The following BASP1 variants were observed in gnomAD, a reference collection of about 807,000 sequenced individuals.
BASP1 encodes brain abundant membrane attached signal protein 1.
In BASP1, 1 loss-of-function variant was observed where a neutral mutation model predicts 2.2. The ratio of observed to expected loss-of-function variants is 0.46; its 90% confidence interval spans 0.16 to 2.17. BASP1 has a LOEUF of 2.17. Among genes scored for constraint, BASP1 ranks in the 30% most tolerant of loss-of-function variants. BASP1 has a pLI of 0.27. For synonymous variants in BASP1, 187 were observed against 154.2 expected (o/e 1.21, Z -1.58); for missense variants, 352 against 327.2 (o/e 1.08, Z -0.58).
chr5:17,229,572 C>T (rs931744747), intron 1 of BASP1, among the ~76,000 whole-genome samples: 3 of 151,958 alleles, frequency 2.0e-5, no homozygotes, highest in Admixed American at 6.6e-5. Flanking sequence ...GTTCAGGGGA[C>T]GAAAGCCCAG....
rs1387062682 is a variant in BASP1, at chr5:17,260,092, CTG to C, written c.-9-15115_-9-15114del. Reference sequence around the variant, plus strand: ...AAAATCATATGTTAGGCTGCAATAACTGGGGCTTTTGAAAGGACCACCCGTTA... The same window carrying C: ...AAAATCATATGTTAGGCTGCAATAACGGGCTTTTGAAAGGACCACCCGTTA... On this transcript the variant is annotated intron_variant, in intron 1 of 1. Transcript: ENST00000322611. This position sits in a 1 kb window ranked among gnomAD's most constrained non-coding sequence, Gnocchi z 4.2. 2.0e-5 allele frequency among the ~76,000 whole-genome samples: 3 copies of C among 152,144 alleles called. No individual in the cohort carries two copies. The highest frequency in any genetic ancestry group is 4.4e-5 in the Non-Finnish European group (3 of 68,018).
Position 17,275,758 on chromosome 5 carries a change from C to G in BASP1, c.542C>G (p.Pro181Arg). 1.9e-6 allele frequency: 3 copies of G among 1,612,542 alleles called. No homozygotes were observed. The highest frequency in any genetic ancestry group is 1.7e-6 in the Non-Finnish European group (2 of 1,179,574). The change falls in exon 2 of 2, where the codon CCC becomes CGC. Residue 181 changes from proline (P) to arginine (R), a missense_variant. Pro to Arg is a moderately radical substitution (Grantham distance 103). Coordinates refer to ENST00000322611, the MANE Select transcript of BASP1 (RefSeq NM_006317.5). The surrounding 1 kb of genome is among the most constrained non-coding windows in gnomAD (Gnocchi z 5.3). ...DSKPGSSEAA[P>R]SSKETPAATE... ...AAACCCGGCAGCTCGGAGGCTGCCC[C>G]CTCTTCCAAGGAGACCCCCGCAGCC...
rs529738052 is a variant in BASP1 at position 17,242,327 on chromosome 5, CTTTA to C, written c.-10+24521_-10+24524del. On this transcript the variant is annotated intron_variant, in intron 1 of 1. Transcript: ENST00000322611. Reference sequence around the variant, plus strand: ...GGTTTTATTTCTCTTTTTTGTTCGACTTTATTTGTTAGATCAGTTTCATGTTCAC... The same window carrying C: ...GGTTTTATTTCTCTTTTTTGTTCGACTTTGTTAGATCAGTTTCATGTTCAC... Among the ~76,000 whole-genome samples the C allele has an allele frequency of 3.7e-3, 567 of 152,116 alleles. 1 individual carries two copies. Among genetic ancestry groups the C allele is most frequent in the Non-Finnish European group, 5.7e-3 (386 of 67,992 alleles).
At chr5:17,250,597 T>A (rs1162965635) in intron 1 of BASP1, among the ~76,000 whole-genome samples, 3 of 152,114 alleles carry the variant, frequency 2.0e-5, no homozygotes, top group African/African-American at 7.2e-5. Flanking sequence ...AGTTTATTTT[T>A]ATTTTTATTT....
intron 1 of BASP1, among the ~76,000 whole-genome samples, chr5:17,238,937 T>G (rs1164364819): frequency 6.6e-6 from 1 of 152,206 alleles, no homozygotes; most frequent in African/African-American, 2.4e-5. Flanking sequence ...GATCAACGGG[T>G]AGGAAAGGAC....
intron 1 of BASP1, among the ~76,000 whole-genome samples, chr5:17,266,748 G>C (rs1740422038): frequency 6.8e-6 from 1 of 146,032 alleles, no homozygotes; most frequent in South Asian, 2.2e-4. Context: ...AGAGGCGCAA[G>C]TTGCAGTGAG....
intron 1 of BASP1, among the ~76,000 whole-genome samples, chr5:17,246,344 T>A (rs1303332110): frequency 6.6e-6 from 1 of 151,078 alleles, no homozygotes; most frequent in Admixed American, 6.6e-5. Flanking sequence ...AAAAATTACC[T>A]GGGAGTGGTG....
chr5:17,238,353 G>A (rs962885263), intron 1 of BASP1, among the ~76,000 whole-genome samples: 11 of 151,918 alleles, frequency 7.2e-5, no homozygotes, highest in African/African-American at 2.4e-4. Context: ...AGAAGAAGCT[G>A]AGTCTCCCTC....
At position 17,275,613 on chromosome 5, in the gene BASP1, G is replaced by A. The variant is rs1740631023; in HGVS notation, c.397G>A (p.Ala133Thr). Reference sequence around the variant, plus strand: ...GGCCGCCGCGGCCCCGGCCGAGAGCGCGGCCCCTGCCGCCGGGGAGGAGCC... The same window carrying A: ...GGCCGCCGCGGCCCCGGCCGAGAGCACGGCCCCTGCCGCCGGGGAGGAGCC... ...AEAAAAPAES[A>T]APAAGEEPSK... Residue 133 changes from alanine to threonine, a missense_variant, in exon 2 of 2, where the codon GCG becomes ACG. By Grantham distance (58) the Ala-to-Thr change is moderately conservative. Transcript: ENST00000322611. This position sits in a 1 kb window ranked among gnomAD's most constrained non-coding sequence, Gnocchi z 5.3. 2.0e-6 allele frequency: 3 copies of A among 1,469,338 alleles called. No individual in the cohort carries two copies. The highest frequency in any genetic ancestry group is 1.4e-5 in the South Asian group (1 of 72,902). The allele number at this position is 1,469,338 out of a possible 1,614,324, so 91.0% of individuals were successfully genotyped here.
chr5:17,234,894 G>C (rs566282078), intron 1 of BASP1, among the ~76,000 whole-genome samples: 69 of 152,234 alleles, frequency 4.5e-4, no homozygotes, highest in South Asian at 8.3e-4. Flanking sequence ...TATTCAATTG[G>C]CTATTATTTA....
At chr5:17,228,191 T>C (rs1427336882) in intron 1 of BASP1, among the ~76,000 whole-genome samples, 4 of 152,220 alleles carry the variant, frequency 2.6e-5, no homozygotes, top group Non-Finnish European at 5.9e-5. Flanking sequence ...CATTCACCTC[T>C]ACTTTTCTAT....
chr5:17,223,618 A>G (rs1739433565), intron 1 of BASP1, among the ~76,000 whole-genome samples: 1 of 152,334 alleles, frequency 6.6e-6, no homozygotes, highest in East Asian at 1.9e-4. Flanking sequence ...CCCAGCCTCC[A>G]TACTGAATTT....
rs139645956 is a variant in BASP1, at chr5:17,251,755, C to T, written c.-9-23453C>T. Among the ~76,000 whole-genome samples the T allele has an allele frequency of 3.2e-3, 488 of 152,064 alleles. 5 individuals are homozygous for T. The highest frequency in any genetic ancestry group is 0.011 in the African/African-American group (462 of 41,482). ...AAAGACTCCCACATTTCTGGCTGGG[C>T]GATGGGGTGGATGTGGTTCTAATCT... On this transcript the variant is annotated intron_variant, in intron 1 of 1. Coordinates refer to ENST00000322611, the MANE Select transcript of BASP1 (RefSeq NM_006317.5). This position sits in a 1 kb window ranked among gnomAD's most constrained non-coding sequence, Gnocchi z 4.0.
intron 1 of BASP1, among the ~76,000 whole-genome samples, chr5:17,227,414 T>A (rs1243446824): frequency 1.3e-5 from 2 of 148,862 alleles, no homozygotes; most frequent in Non-Finnish European, 3.0e-5. Flanking sequence ...ATATACAATA[T>A]TTTTTTTGAC....
At chr5:17,257,191 T>G (rs1234666838) in intron 1 of BASP1, among the ~76,000 whole-genome samples, 5 of 152,204 alleles carry the variant, frequency 3.3e-5, no homozygotes, top group African/African-American at 1.2e-4. Flanking sequence ...CTTTTACCAG[T>G]GTGAGGAGGC....
chr5:17,262,908 A>G lies in BASP1; in HGVS notation c.-9-12300A>G, dbSNP rs1423567214. On this transcript the variant is annotated intron_variant, in intron 1 of 1. Coordinates refer to ENST00000322611, the MANE Select transcript of BASP1 (RefSeq NM_006317.5). ...GGCGCCCAGGCTGGAGTGCAGTGGC[A>G]CGATCTCGGCTCACTGCAAGCTCCG... Among the ~76,000 whole-genome samples, 4 of 150,480 alleles carry G rather than the reference A, an allele frequency of 2.7e-5. No individual in the cohort carries two copies. In the East Asian group the frequency reaches 7.8e-4, roughly 30 times the overall value.
At chr5:17,241,307 C>T (rs1294279727) in intron 1 of BASP1, among the ~76,000 whole-genome samples, 1 of 152,002 alleles carries the variant, frequency 6.6e-6, no homozygotes, top group Non-Finnish European at 1.5e-5. Flanking sequence ...GCCATGTTGG[C>T]CAGGATGGTC....
rs577987701 is a variant in BASP1, at chr5:17,254,104, A to T, written c.-9-21104A>T. Among the ~76,000 whole-genome samples, 272 of 152,134 alleles carry T rather than the reference A, an allele frequency of 1.8e-3. 2 individuals carry two copies. The highest frequency in any genetic ancestry group is 6.1e-3 in the African/African-American group (254 of 41,518). On this transcript the variant is annotated intron_variant, in intron 1 of 1. Coordinates refer to ENST00000322611, the MANE Select transcript of BASP1 (RefSeq NM_006317.5). ...TCTTTAAGGGAAAAAATATATATAT[A>T]TTTTTTCTCAGAGAACAAACCAGGA...
chr5:17,217,363 G>GGCGT (rs1421351781), upstream of BASP1, among the ~76,000 whole-genome samples: 1 of 55,926 alleles, frequency 1.8e-5, no homozygotes, highest in Non-Finnish European at 3.6e-5. Context: ...AGGGGAGGCG[G>GGCGT]GCGTGTCCAG....
Sources: allele counts gnomAD v4.1 joint callset (sites outside exome capture counted in the v4.1 genomes callset), GRCh38; gene constraint gnomAD v4.1.1; non-coding constraint Gnocchi (gnomAD v3.1); transcripts MANE v1.5; gene names NCBI Gene and HGNC (gene_info 2026-07-23, HGNC 2026-07-21).